The following PCDHGB3 variants were observed in gnomAD, a reference collection of about 807,000 sequenced individuals.
PCDHGB3 encodes the protein protocadherin gamma-B3.
Under a neutral mutation model 59.2 loss-of-function variants are expected in PCDHGB3, and 40 were observed. That is an observed-to-expected ratio of 0.68 (90% CI 0.52 to 0.88). The LOEUF (loss-of-function observed/expected upper bound fraction) is 0.88, where lower values mean the gene tolerates loss of function less well. PCDHGB3 is among the 40% of genes least tolerant of loss of function. The pLI is 0.00. For synonymous variants in PCDHGB3, 581 were observed against 503.6 expected (o/e 1.15, Z -2.06); for missense variants, 1,309 against 1,187.9 (o/e 1.10, Z -1.50).
intron 1 of PCDHGB3, among the ~76,000 whole-genome samples, chr5:141,471,118 A>G (rs58897068): frequency 0.11 from 15,938 of 141,604 alleles, 871 homozygotes; most frequent in South Asian, 0.16. Flanking sequence ...GTGCGATCTT[A>G]CCTTCACTGC....
rs2097372368 is a variant in PCDHGB3 at position 141,431,422 on chromosome 5, G to A, written c.2415+58613G>A. On this transcript the variant is annotated intron_variant, in intron 1 of 3. Coordinates refer to ENST00000576222, the MANE Select transcript of PCDHGB3 (RefSeq NM_018924.5). This position sits in a 1 kb window ranked among gnomAD's most constrained non-coding sequence, Gnocchi z 4.8. ...CGGCCTCCGACGGGGGCGACCCGGTGCGCACAGGCACCGCGCGCATCCGCG... is the reference window on the plus strand; with the variant it reads ...CGGCCTCCGACGGGGGCGACCCGGTACGCACAGGCACCGCGCGCATCCGCG... 6.2e-7 allele frequency: 1 copy of A among 1,613,710 alleles called. No individual in the cohort carries two copies. The highest frequency in any genetic ancestry group is 2.2e-5 in the East Asian group (1 of 44,882).
In PCDHGB3 at chr5:141,431,023, C is replaced by T. The variant is rs374655655; in HGVS notation, c.2415+58214C>T. 1 of 1,613,748 alleles carries T rather than the reference C, an allele frequency of 6.2e-7. No homozygotes were observed. On this transcript the variant is annotated intron_variant, in intron 1 of 3. Coordinates refer to ENST00000576222, the MANE Select transcript of PCDHGB3 (RefSeq NM_018924.5). This position sits in a 1 kb window ranked among gnomAD's most constrained non-coding sequence, Gnocchi z 4.8. Reference sequence around the variant, plus strand: ...GCAGCGGCAGCTTGGTCACGGCGGGCAGGATAGACCGGGAGGAGCTCTGTA... The same window carrying T: ...GCAGCGGCAGCTTGGTCACGGCGGGTAGGATAGACCGGGAGGAGCTCTGTA...
intron 1 of PCDHGB3, chr5:141,419,430 A>T: frequency 1.2e-6 from 2 of 1,613,318 alleles, no homozygotes; most frequent in Non-Finnish European, 1.7e-6. Flanking sequence ...GACCACGAGC[A>T]GCTGCGCACC....
intron 1 of PCDHGB3, among the ~76,000 whole-genome samples, chr5:141,381,033 C>G (rs191532708): frequency 2.0e-4 from 30 of 152,324 alleles, no homozygotes; most frequent in African/African-American, 7.2e-4. Flanking sequence ...TTCCTTTAAA[C>G]AAAATTTATC....
chr5:141,461,040 G>A (rs536064886), intron 1 of PCDHGB3, among the ~76,000 whole-genome samples: 123 of 150,514 alleles, frequency 8.2e-4, no homozygotes, highest in East Asian at 2.5e-3. Flanking sequence ...CTCATTAGTC[G>A]ATGGGGACTT....
At chr5:141,417,706 A>T in intron 1 of PCDHGB3, 1 of 1,214,910 alleles carries the variant, frequency 8.2e-7, no homozygotes, top group Non-Finnish European at 1.1e-6. Flanking sequence ...TCCCACACAG[A>T]GGCTCCCGGC....
chr5:141,392,971 G>T (rs2092639952), intron 1 of PCDHGB3: 1 of 1,613,896 alleles, frequency 6.2e-7, no homozygotes, highest in Non-Finnish European at 8.5e-7. Flanking sequence ...AAGGACCTGG[G>T]GCTGGACCCC....
chr5:141,421,812 A>T, intron 1 of PCDHGB3: 1 of 1,613,822 alleles, frequency 6.2e-7, no homozygotes, highest in Non-Finnish European at 8.5e-7. Context: ...ATCCAGAGCT[A>T]GTACTGGAGG....
At chr5:141,458,437 C>T (rs777855535) in intron 1 of PCDHGB3, among the ~76,000 whole-genome samples, 1 of 152,026 alleles carries the variant, frequency 6.6e-6, no homozygotes, top group Non-Finnish European at 1.5e-5. Flanking sequence ...AGAGGAGGTC[C>T]CCCACATTAA....
At chr5:141,462,206 T>A (rs574863016) in intron 1 of PCDHGB3, among the ~76,000 whole-genome samples, 7 of 152,066 alleles carry the variant, frequency 4.6e-5, no homozygotes, top group African/African-American at 1.7e-4. Flanking sequence ...GTGATCCGCC[T>A]GCCTCGGCCT....
chr5:141,447,389 C>T (rs1467715872), intron 1 of PCDHGB3, among the ~76,000 whole-genome samples: 1 of 152,150 alleles, frequency 6.6e-6, no homozygotes, highest in African/African-American at 2.4e-5. Context: ...CTGCCCACCT[C>T]GGCCTCCCAA....
intron 1 of PCDHGB3, chr5:141,388,285 C>T (rs773340535): frequency 1.9e-6 from 3 of 1,613,200 alleles, no homozygotes; most frequent in Non-Finnish European, 2.5e-6. Flanking sequence ...CCAAAATTCA[C>T]GCAAAATTCC....
At chr5:141,395,522 A>T in intron 1 of PCDHGB3, 1 of 398,214 alleles carries the variant, frequency 2.5e-6, no homozygotes. Flanking sequence ...ACCCGTCCAT[A>T]CTGGTAATTT....
At chr5:141,450,004 C>CTTTAT (rs2098662217) in intron 1 of PCDHGB3, among the ~76,000 whole-genome samples, 1 of 75,148 alleles carries the variant, frequency 1.3e-5, no homozygotes, top group Non-Finnish European at 2.3e-5. Flanking sequence ...GTTGCCATGT[C>CTTTAT]TCTTTTTTTT....
chr5:141,409,566 C>G (rs750850161), intron 1 of PCDHGB3: 1 of 1,613,978 alleles, frequency 6.2e-7, no homozygotes, highest in South Asian at 1.1e-5. Flanking sequence ...TTCGACCAGA[C>G]GTCCTACGTG....
At chr5:141,430,906 C>A (rs764039566) in intron 1 of PCDHGB3, 2 of 1,606,932 alleles carry the variant, frequency 1.2e-6, no homozygotes, top group Non-Finnish European at 1.7e-6. Flanking sequence ...GCGACATCTC[C>A]AGGGACCTGG....
intron 3 of PCDHGB3, among the ~76,000 whole-genome samples, chr5:141,510,556 T>TA (rs2099881668): frequency 6.6e-6 from 1 of 152,178 alleles, no homozygotes; most frequent in African/African-American, 2.4e-5. Flanking sequence ...TTTGAGCACT[T>TA]ACATCTACCA....
rs2099750571 is a variant in PCDHGB3, at chr5:141,493,878, T to A, written c.2416-929T>A. On this transcript the variant is annotated intron_variant, in intron 1 of 3. Coordinates refer to ENST00000576222, the MANE Select transcript of PCDHGB3 (RefSeq NM_018924.5). This position sits in a 1 kb window ranked among gnomAD's most constrained non-coding sequence, Gnocchi z 4.3. ...GCCCACCCCAGAACCAGTGAGGAGG[T>A]GGCTCTAGGAGTGCTCCATGAGAGT... is the stretch of plus-strand genomic sequence containing the variant. 6.6e-6 allele frequency among the ~76,000 whole-genome samples: 1 copy of A among 152,072 alleles called. No homozygotes were observed. The highest frequency in any genetic ancestry group is 6.6e-5 in the Admixed American group (1 of 15,264).
At position 141,410,204 on chromosome 5, in the gene PCDHGB3, T is replaced by C. The variant is rs1212919717; in HGVS notation, c.2415+37395T>C. 11 of 1,613,954 alleles carry C rather than the reference T, an allele frequency of 6.8e-6. No homozygotes were observed. In the South Asian group the frequency reaches 9.9e-5, roughly 14 times the overall value. Reference sequence around the variant, plus strand: ...GCTTCATCTGGTCTTCGCAGACAACTTGCAAGAGATACTGCCAGACCTCAG... The same window carrying C: ...GCTTCATCTGGTCTTCGCAGACAACCTGCAAGAGATACTGCCAGACCTCAG... On this transcript the variant is annotated intron_variant, in intron 1 of 3. Transcript: ENST00000576222.
Sources: gnomAD v4.1 joint callset for allele counts (sites outside exome capture counted in the v4.1 genomes callset) on GRCh38, gnomAD v4.1.1 for gene constraint, Gnocchi (gnomAD v3.1) non-coding constraint, MANE v1.5 for transcripts, NCBI Gene and HGNC (gene_info 2026-07-23, HGNC 2026-07-21) for gene names.